Variants in CROCC2 observed in about 807,000 individuals in gnomAD.
CROCC2 encodes the protein ciliary rootlet coiled-coil protein 2.
In CROCC2, 163 loss-of-function variants were observed where a neutral mutation model predicts 177.6. The ratio of observed to expected loss-of-function variants is 0.92; its 90% CI spans 0.81 to 1.05. The LOEUF (loss-of-function observed/expected upper bound fraction) is 1.05, where lower values mean the gene tolerates loss of function less well. Among genes scored for constraint, CROCC2 ranks in the 50% least tolerant of loss-of-function variants. The pLI is 0.00. For synonymous variants in CROCC2, 904 were observed against 787.3 expected (o/e 1.15, Z -2.48); for missense variants, 1,929 against 1,797.8 (o/e 1.07, Z -1.32).
At chr2:240,934,135 A>G (rs895134321) in intron 11 of CROCC2, among the ~76,000 whole-genome samples, 196 bp from the exon 12 acceptor site, 2 of 137,850 alleles carry the variant, frequency 1.5e-5, no homozygotes, top group African/African-American at 5.4e-5. Flanking sequence ...CCCCGGAGGC[A>G]CTTGTGCCTC....
rs1429547952 is a variant in CROCC2, at chr2:240,968,238, A to G, written c.4377A>G (p.Ala1459=). 1 of 1,532,004 alleles carries G rather than the reference A, an allele frequency of 6.5e-7. No homozygotes were observed. Among genetic ancestry groups the G allele is most frequent in the East Asian group, 2.4e-5 (1 of 40,824 alleles). The allele number at this position is 1,532,004 out of a possible 1,614,324, so 94.9% of individuals were successfully genotyped here. The part of the protein sequence containing the change: ...ELEHLASVRA[A]GQEKRRLQEQ... ...AGCACCTGGCGAGCGTGCGTGCGGC[A>G]GGCCAGGAGAAGCGGCGGCTGCAGG... is the stretch of plus-strand genomic sequence containing the variant. Residue 1459 remains alanine (A), a synonymous_variant, in exon 27 of 32, where the codon GCA becomes GCG. Coordinates refer to ENST00000690015, the MANE Select transcript of CROCC2 (RefSeq NM_001351305.2).
At chr2:240,962,032 A>ACACG (rs1316398520) in intron 20 of CROCC2, among the ~76,000 whole-genome samples, 108 of 30,280 alleles carry the variant, frequency 3.6e-3, no homozygotes, top group African/African-American at 9.1e-3. Context: ...ACACACACGC[A>ACACG]CGCACACACG....
At chr2:240,926,809 G>A (rs1225654791) in intron 5 of CROCC2, among the ~76,000 whole-genome samples, 2 of 152,260 alleles carry the variant, frequency 1.3e-5, no homozygotes, top group African/African-American at 4.8e-5. Context: ...AGGGAATGCC[G>A]GCCTCTGCAT....
At chr2:240,926,544 T>A (rs1338555450) in intron 5 of CROCC2, among the ~76,000 whole-genome samples, 1 of 152,110 alleles carries the variant, frequency 6.6e-6, no homozygotes, top group Non-Finnish European at 1.5e-5. Flanking sequence ...GCCCAGCCCC[T>A]GCATGCTATG....
intron 4 of CROCC2, among the ~76,000 whole-genome samples, chr2:240,925,434 G>T (rs1350665127): frequency 1.3e-5 from 2 of 152,234 alleles, no homozygotes; most frequent in Non-Finnish European, 2.9e-5. Context: ...ACGGGCCAAG[G>T]TTGCAGAGCC....
chr2:240,912,557 C>T (rs371756444), intron 1 of CROCC2, among the ~76,000 whole-genome samples: 4 of 152,330 alleles, frequency 2.6e-5, no homozygotes, highest in East Asian at 3.9e-4. Context: ...GGGGCAGGTA[C>T]GGAGCCTCCA....
Position 240,960,510 on chromosome 2 carries a change from G to A in CROCC2, c.3087+1066G>A, listed in dbSNP as rs1213812427. On this transcript the variant is annotated intron_variant, in intron 20 of 31. Coordinates refer to ENST00000690015, the MANE Select transcript of CROCC2 (RefSeq NM_001351305.2). This position sits in a 1 kb window ranked among gnomAD's most constrained non-coding sequence, Gnocchi z 5.0. ...CTGAGGGGGGTTGGCAGGACGGGGG[G>A]ACGCCTGTGTGTGGCAAGGGCAGGA... 6.6e-6 allele frequency among the ~76,000 whole-genome samples: 1 copy of A among 151,194 alleles called. No individual in the cohort carries two copies. Among genetic ancestry groups the A allele is most frequent in the Admixed American group, 6.6e-5 (1 of 15,208 alleles).
At chr2:240,919,904 C>A in intron 2 of CROCC2, 79 bp from the exon 3 acceptor site, 2 of 643,212 alleles carry the variant, frequency 3.1e-6, no homozygotes, top group Admixed American at 4.9e-5. Flanking sequence ...GCCCAGGGTC[C>A]CACCGTGGAG....
intron 14 of CROCC2, among the ~76,000 whole-genome samples, chr2:240,939,303 C>T (rs1354655446): frequency 1.3e-5 from 2 of 152,108 alleles, no homozygotes; most frequent in East Asian, 3.8e-4. Context: ...TAGTGAATTA[C>T]ACTGATTAAT....
intron 3 of CROCC2, among the ~76,000 whole-genome samples, chr2:240,921,063 C>G (rs2059354722): frequency 6.6e-6 from 1 of 152,216 alleles, no homozygotes; most frequent in Admixed American, 6.5e-5. Flanking sequence ...CAGGCCACAC[C>G]ACCATTACTG....
At chr2:240,938,799 T>A (rs1299564937) in intron 14 of CROCC2, among the ~76,000 whole-genome samples, 2 of 152,248 alleles carry the variant, frequency 1.3e-5, no homozygotes, top group African/African-American at 4.8e-5. Context: ...AGGTTAATTC[T>A]AGATTTTTAT....
At chr2:240,926,306 A>T (rs1179111811) in intron 5 of CROCC2, among the ~76,000 whole-genome samples, 1 of 151,880 alleles carries the variant, frequency 6.6e-6, no homozygotes, top group Non-Finnish European at 1.5e-5. Context: ...AGCCTTTCCC[A>T]CTCCAACTTC....
In CROCC2 at chr2:240,950,529, G is replaced by T. The variant is rs1269633058; in HGVS notation, c.2829+19G>T. ...GCAACAGGTGATGGTGAGGCTGGGG[G>T]GCAGCGGGATTGCTCACACCCACTG... On this transcript the variant is annotated intron_variant, in intron 18 of 31. Transcript: ENST00000690015. 6.5e-7 allele frequency: 1 copy of T among 1,540,594 alleles called. No homozygotes were observed. The highest frequency in any genetic ancestry group is 2.4e-5 in the East Asian group (1 of 40,858).
At chr2:240,959,954 G>A (rs116254819) in intron 20 of CROCC2, among the ~76,000 whole-genome samples, 4,288 of 152,310 alleles carry the variant, frequency 0.028, 143 homozygotes, top group East Asian at 0.16. Flanking sequence ...CACACCTGCC[G>A]CTGGGAGGGC....
intron 7 of CROCC2, 49 bp downstream of exon 7, chr2:240,931,177 G>T (rs546177620): frequency 6.1e-5 from 29 of 473,232 alleles, no homozygotes; most frequent in Non-Finnish European, 1.1e-4. Context: ...CCGGGGGGTC[G>T]GGGCCCATCC....
At chr2:240,914,395 C>T (rs1393015266) in intron 1 of CROCC2, among the ~76,000 whole-genome samples, 1 of 152,208 alleles carries the variant, frequency 6.6e-6, no homozygotes, top group African/African-American at 2.4e-5. Context: ...CCCTGCGGGC[C>T]GATGCTGGCG....
intron 27 of CROCC2, among the ~76,000 whole-genome samples, chr2:240,971,344 C>A (rs140468809): frequency 6.6e-6 from 1 of 152,188 alleles, no homozygotes; most frequent in Non-Finnish European, 1.5e-5. Flanking sequence ...CTGCCTGCCA[C>A]GTGGGTCCGA....
rs28715277 is a variant in CROCC2 at position 240,958,773 on chromosome 2, A to C, written c.2944-528A>C. Among the ~76,000 whole-genome samples the C allele has an allele frequency of 5.3e-5, 8 of 152,092 alleles. No homozygotes were observed. Among genetic ancestry groups the C allele is most frequent in the African/African-American group, 1.7e-4 (7 of 41,432 alleles). ...GTGCAGTGGGGAGGGCCTTGAGAGG[A>C]AGCGGGGTGGTGTCCCGAGGGGCCT... On this transcript the variant is annotated intron_variant, in intron 19 of 31. Transcript: ENST00000690015. The surrounding 1 kb of genome is among the most constrained non-coding windows in gnomAD (Gnocchi z 6.7).
Position 240,918,677 on chromosome 2 carries a change from C to T in CROCC2, c.79-49C>T. The stretch of plus-strand genomic sequence containing the variant: ...CAGTGGGATCGTAGAGGGTGCCTGG[C>T]AGCTGTTGGGGGCTGCCATCTCCAG... On this transcript the variant is annotated intron_variant, in intron 1 of 31. Coordinates refer to ENST00000690015, the MANE Select transcript of CROCC2 (RefSeq NM_001351305.2). The surrounding 1 kb of genome is among the most constrained non-coding windows in gnomAD (Gnocchi z 6.3). The T allele has an allele frequency of 1.9e-6, 1 of 538,416 alleles. No homozygotes were observed. Among genetic ancestry groups the T allele is most frequent in the Non-Finnish European group, 3.3e-6 (1 of 299,264 alleles). The allele number at this position is 538,416 out of a possible 1,614,324, so 33.4% of individuals were successfully genotyped here.
Sources: allele counts gnomAD v4.1 joint callset (sites outside exome capture counted in the v4.1 genomes callset), GRCh38; gene constraint gnomAD v4.1.1; non-coding constraint Gnocchi (gnomAD v3.1); transcripts MANE v1.5; gene names NCBI Gene and HGNC (gene_info 2026-07-23, HGNC 2026-07-21).